The following UBE2R2 variants were observed in gnomAD, a reference collection of about 807,000 sequenced individuals.
UBE2R2 encodes ubiquitin-conjugating enzyme E2 R2.
Under a neutral mutation model 27.8 loss-of-function variants are expected in UBE2R2, and 1 was observed. The ratio of observed to expected loss-of-function variants is 0.04; its 90% CI spans 0.01 to 0.17. UBE2R2 has a LOEUF of 0.17. UBE2R2 is among the 10% of genes least tolerant of loss of function. The probability of loss-of-function intolerance (pLI) is 1.00; values close to 1 mark genes in which losing one functional copy is unlikely to be tolerated. For synonymous variants in UBE2R2, 106 were observed against 113.3 expected (o/e 0.94, Z 0.41); for missense variants, 100 against 291.0 (o/e 0.34, Z 4.78).
At chr9:33,844,757 A>G (rs2265040) in intron 1 of UBE2R2, among the ~76,000 whole-genome samples, 93,273 of 151,640 alleles carry the variant, frequency 0.62, 28,803 homozygotes, top group East Asian at 0.77. Context: ...AAAACCACTC[A>G]AAATCATTTG....
chr9:33,825,010 T>A (rs903394869), intron 1 of UBE2R2, among the ~76,000 whole-genome samples: 1 of 152,100 alleles, frequency 6.6e-6, no homozygotes, highest in Non-Finnish European at 1.5e-5. Context: ...ATTAATACTC[T>A]GCGTTGATTC....
chr9:33,842,486 A>C (rs542845620), intron 1 of UBE2R2, among the ~76,000 whole-genome samples: 31 of 152,344 alleles, frequency 2.0e-4, no homozygotes, highest in African/African-American at 7.2e-4. Flanking sequence ...CTCATTAAGA[A>C]TTGAATTAAT....
At chr9:33,865,170 C>A (rs1050331373) in intron 1 of UBE2R2, among the ~76,000 whole-genome samples, 4 of 150,990 alleles carry the variant, frequency 2.6e-5, no homozygotes, top group African/African-American at 9.7e-5. Flanking sequence ...TACTTCCTTT[C>A]TGTCTGTCTC....
intron 1 of UBE2R2, among the ~76,000 whole-genome samples, chr9:33,844,710 G>C (rs976212747): frequency 1.6e-4 from 25 of 152,002 alleles, no homozygotes; most frequent in African/African-American, 5.5e-4. Context: ...CAACTGAGCT[G>C]TATCAGTAAC....
chr9:33,912,152 G>C lies in UBE2R2; in HGVS notation c.497+54G>C, dbSNP rs1822507489. 4 of 1,470,784 alleles carry C rather than the reference G, an allele frequency of 2.7e-6. No individual in the cohort carries two copies. In the African/African-American group the frequency reaches 5.7e-5, roughly 21 times the overall value. 91.1% of individuals were successfully genotyped at this position (1,470,784 alleles called of 1,614,324 possible). On this transcript the variant is annotated intron_variant, in intron 4 of 4. Transcript: ENST00000263228. ...TTATACAAAACCAAAATATATTCTG[G>C]AACCAAGGGTTTAAATCAAACTTAA... is the stretch of plus-strand genomic sequence containing the variant.
At chr9:33,871,606 G>T (rs537119345) in intron 1 of UBE2R2, among the ~76,000 whole-genome samples, 2 of 152,102 alleles carry the variant, frequency 1.3e-5, no homozygotes, top group Non-Finnish European at 2.9e-5. Context: ...ATGAGTTTGC[G>T]TATTAGTCAA....
chr9:33,906,082 G>A (rs959771933), intron 3 of UBE2R2, among the ~76,000 whole-genome samples: 19 of 150,776 alleles, frequency 1.3e-4, no homozygotes, highest in Admixed American at 2.7e-4. Context: ...TTCAGGTTTT[G>A]TTGTTGTTGT....
chr9:33,909,358 C>T (rs767940818), intron 3 of UBE2R2, among the ~76,000 whole-genome samples: 8 of 151,628 alleles, frequency 5.3e-5, no homozygotes, highest in Non-Finnish European at 7.4e-5. Flanking sequence ...TGTGGTGGCG[C>T]GCACCTGTAA....
rs565663085 is a variant in UBE2R2, at chr9:33,841,151, C to T, written c.177+23217C>T. ...AGGCTGGTGTGCAGTGGTGCGATCT[C>T]GGCTCACTGCAACCTCTGCCTCCCG... On this transcript the variant is annotated intron_variant, in intron 1 of 4. Coordinates refer to ENST00000263228, the MANE Select transcript of UBE2R2 (RefSeq NM_017811.4). Among the ~76,000 whole-genome samples, 7 of 152,020 alleles carry T rather than the reference C, an allele frequency of 4.6e-5. No homozygotes were observed. In the East Asian group the frequency reaches 5.8e-4, roughly 13 times the overall value.
chr9:33,846,466 C>T (rs1383782456), intron 1 of UBE2R2, among the ~76,000 whole-genome samples: 1 of 152,064 alleles, frequency 6.6e-6, no homozygotes, highest in East Asian at 1.9e-4. Context: ...ACAAAACATT[C>T]CTTGCGCCTA....
At chr9:33,823,442 C>G (rs1264222382) in intron 1 of UBE2R2, among the ~76,000 whole-genome samples, 1 of 151,654 alleles carries the variant, frequency 6.6e-6, no homozygotes, top group African/African-American at 2.4e-5. Context: ...GTGGCGCGAT[C>G]TTGGCTCACT....
At chr9:33,818,529 TA>T (rs548358025) in intron 1 of UBE2R2, 32,451 of 98,578 alleles carry the variant, frequency 0.33, 4,900 homozygotes, top group Non-Finnish European at 0.37. Context: ...CTAGGGGTGG[TA>T]AAAAAAAAAA....
Position 33,908,203 on chromosome 9 carries a change from C to T in UBE2R2, c.363-3761C>T, listed in dbSNP as rs1415880182. Reference sequence around the variant, plus strand: ...CAGCAGTTTAGTTTTTTCCAGTTCACATCCATCCATCTGCCTGAGGAGACC... The same window carrying T: ...CAGCAGTTTAGTTTTTTCCAGTTCATATCCATCCATCTGCCTGAGGAGACC... On this transcript the variant is annotated intron_variant, in intron 3 of 4. Transcript: ENST00000263228. Among the ~76,000 whole-genome samples the T allele has an allele frequency of 3.9e-5, 6 of 152,332 alleles. No homozygotes were observed. In the East Asian group the frequency reaches 1.2e-3, roughly 29 times the overall value.
At chr9:33,853,656 A>G (rs953731791) in intron 1 of UBE2R2, among the ~76,000 whole-genome samples, 4 of 151,936 alleles carry the variant, frequency 2.6e-5, no homozygotes, top group African/African-American at 9.7e-5. Flanking sequence ...TTATCCATCC[A>G]CAAACATCTT....
At chr9:33,863,634 C>G in intron 1 of UBE2R2, among the ~76,000 whole-genome samples, 1 of 152,128 alleles carries the variant, frequency 6.6e-6, no homozygotes, top group South Asian at 2.1e-4. Context: ...TCATTTTAAA[C>G]TTATATTAAG....
At chr9:33,899,965 C>T (rs1587478364) in intron 2 of UBE2R2, among the ~76,000 whole-genome samples, 1 of 152,116 alleles carries the variant, frequency 6.6e-6, no homozygotes, top group Admixed American at 6.5e-5. Flanking sequence ...AGTCTTCTCA[C>T]TAGAAAATAT....
At chr9:33,880,388 T>G (rs1409660179) in intron 1 of UBE2R2, among the ~76,000 whole-genome samples, 1 of 151,994 alleles carries the variant, frequency 6.6e-6, no homozygotes, top group Non-Finnish European at 1.5e-5. Flanking sequence ...TACTGTGATT[T>G]GTACAGTTAC....
intron 4 of UBE2R2, among the ~76,000 whole-genome samples, chr9:33,913,320 A>G (rs976080208): frequency 6.6e-6 from 1 of 152,074 alleles, no homozygotes; most frequent in Non-Finnish European, 1.5e-5. Context: ...CTGGAGTGCA[A>G]TGGTGTGATT....
At chr9:33,891,980 C>T (rs1157840358) in intron 2 of UBE2R2, among the ~76,000 whole-genome samples, 1 of 152,006 alleles carries the variant, frequency 6.6e-6, no homozygotes, top group Non-Finnish European at 1.5e-5. Flanking sequence ...CTGCAGTGAA[C>T]TGTGTATATG....
Sources: allele counts gnomAD v4.1 joint callset (sites outside exome capture counted in the v4.1 genomes callset), GRCh38; gene constraint gnomAD v4.1.1; transcripts MANE v1.5; gene names NCBI Gene and HGNC (gene_info 2026-07-23, HGNC 2026-07-21).